OPA3: variants seen among roughly 807,000 people sequenced by gnomAD.
OPA3 encodes the protein optic atrophy 3 protein.
Under a neutral mutation model 4.0 loss-of-function variants are expected in OPA3, and 6 were observed. That is an observed-to-expected ratio of 1.51 (90% confidence interval 0.83 to 2.99). The LOEUF (loss-of-function observed/expected upper bound fraction) is 2.99, where lower values mean the gene tolerates loss of function less well. Among genes scored for constraint, OPA3 ranks in the 30% most tolerant of loss-of-function variants. The pLI is 0.00. For missense variants in OPA3, 235 were observed against 256.2 expected (o/e 0.92, Z 0.56); for synonymous variants, 105 against 117.1 (o/e 0.90, Z 0.67).
rs945042481 is a variant in OPA3, at chr19:45,546,801, G to A, written c.*6713C>T. ...CTATGTCAGCCTCTCATGTAGCTGG[G>A]ATTACAGATGTGCACCACCACACCC... On this transcript the variant is annotated 3_prime_UTR_variant, in exon 2 of 2. Coordinates refer to ENST00000263275, the MANE Select transcript of OPA3 (RefSeq NM_025136.4). 1 of 152,116 alleles carries A rather than the reference G, an allele frequency of 6.6e-6. No homozygotes were observed. The highest frequency in any genetic ancestry group is 1.5e-5 in the Non-Finnish European group (1 of 68,032). 9.4% of individuals were successfully genotyped at this position (152,116 alleles called of 1,614,324 possible).
Position 45,572,423 on chromosome 19 carries a change from T to C in OPA3, c.142+12200A>G, listed in dbSNP as rs888880132. On this transcript the variant is annotated intron_variant, in intron 1 of 1. Transcript: ENST00000263275. ...ATGAGATTATCGATATATATCGATA[T>C]ATATCATGATATATGTATATCAATA... Among the ~76,000 whole-genome samples the C allele has an allele frequency of 1.3e-3, 159 of 123,760 alleles. 4 individuals carry two copies. Among genetic ancestry groups the C allele is most frequent in the Non-Finnish European group, 2.1e-3 (132 of 63,380 alleles). The allele number at this position is 123,760 out of a possible 152,430, so 81.2% of individuals were successfully genotyped here.
chr19:45,570,672 G>A, intron 1 of OPA3, among the ~76,000 whole-genome samples: 1 of 151,828 alleles, frequency 6.6e-6, no homozygotes, highest in East Asian at 1.9e-4. Flanking sequence ...GGGCGACAGA[G>A]TGAGACTCCA....
chr19:45,530,125 G>A (rs1969043128), intron 1 of OPA3, among the ~76,000 whole-genome samples: 1 of 152,266 alleles, frequency 6.6e-6, no homozygotes, highest in South Asian at 2.1e-4. Flanking sequence ...AGGCCGAGGT[G>A]GGTGGCTCAG....
At chr19:45,584,161 C>T (rs1232668919) in intron 1 of OPA3, among the ~76,000 whole-genome samples, 1 of 152,120 alleles carries the variant, frequency 6.6e-6, no homozygotes, top group African/African-American at 2.4e-5. Flanking sequence ...ACGTCGACGT[C>T]CTAAACGGAG....
At position 45,550,091 on chromosome 19, in the gene OPA3, G is replaced by C. The variant is rs1294533227; in HGVS notation, c.*3423C>G. 1.7e-6 allele frequency: 1 copy of C among 586,146 alleles called. No homozygotes were observed. The highest frequency in any genetic ancestry group is 2.1e-6 in the Non-Finnish European group (1 of 465,212). The allele number at this position is 586,146 out of a possible 1,614,324, so 36.3% of individuals were successfully genotyped here. On this transcript the variant is annotated 3_prime_UTR_variant, in exon 2 of 2. Coordinates refer to ENST00000263275, the MANE Select transcript of OPA3 (RefSeq NM_025136.4). ...GATCATTGGTTGAGCCTGGGAGGTAGAAGTTGCAGTGAGCCGAGATTGCAC... is the reference window on the plus strand; with the variant it reads ...GATCATTGGTTGAGCCTGGGAGGTACAAGTTGCAGTGAGCCGAGATTGCAC...
At position 45,570,020 on chromosome 19, in the gene OPA3, G is replaced by A. The variant is rs146799660; in HGVS notation, c.142+14603C>T. On this transcript the variant is annotated intron_variant, in intron 1 of 1. Coordinates refer to ENST00000263275, the MANE Select transcript of OPA3 (RefSeq NM_025136.4). ...GCACAAACTAATACAGAGATACACC[G>A]GGGTCAATGACCGAGATGGCCTCTG... Among the ~76,000 whole-genome samples, 3 of 152,122 alleles carry A rather than the reference G, an allele frequency of 2.0e-5. No individual in the cohort carries two copies. The East Asian group carries it at 5.8e-4, about 29-fold the overall frequency.
At chr19:45,559,130 C>T (rs1357765215) in intron 1 of OPA3, among the ~76,000 whole-genome samples, 1 of 152,076 alleles carries the variant, frequency 6.6e-6, no homozygotes, top group African/African-American at 2.4e-5. Context: ...GTGATCCATT[C>T]ACCTTGGCCT....
At position 45,549,531 on chromosome 19, in the gene OPA3, A is replaced by G. The variant is rs1020272145; in HGVS notation, c.*3983T>C. On this transcript the variant is annotated 3_prime_UTR_variant, in exon 2 of 2. Transcript: ENST00000263275. ...AGTCTCACTCTGTCACCCAGGCTGG[A>G]GTGCAGTGGCGCGATCTCAGCTCAC... The G allele has an allele frequency of 1.0e-6, 1 of 972,320 alleles. No homozygotes were observed. Among genetic ancestry groups the G allele is most frequent in the Non-Finnish European group, 1.2e-6 (1 of 818,766 alleles). The allele number at this position is 972,320 out of a possible 1,614,324, so 60.2% of individuals were successfully genotyped here.
At chr19:45,542,158 T>C (rs1205425757), downstream of OPA3, among the ~76,000 whole-genome samples, 1 of 152,064 alleles carries the variant, frequency 6.6e-6, no homozygotes, top group Non-Finnish European at 1.5e-5. Context: ...CCAGCCCTGG[T>C]CCATATGAGC....
chr19:45,573,439 G>T (rs111506997), intron 1 of OPA3, among the ~76,000 whole-genome samples: 1 of 152,062 alleles, frequency 6.6e-6, no homozygotes, highest in African/African-American at 2.4e-5. Flanking sequence ...CAACAAGAGC[G>T]AAACTCTGTC....
chr19:45,549,763 A>G lies in OPA3; in HGVS notation c.*3751T>C, dbSNP rs2122422482. On this transcript the variant is annotated 3_prime_UTR_variant, in exon 2 of 2. Transcript: ENST00000263275. ...TCAAAGTGCTGGGATGACAGGCGTGAGCTGGCCTGGGTCACTCCCAGTTTT... is the reference window on the plus strand; with the variant it reads ...TCAAAGTGCTGGGATGACAGGCGTGGGCTGGCCTGGGTCACTCCCAGTTTT... 1 of 985,344 alleles carries G rather than the reference A, an allele frequency of 1.0e-6. No individual in the cohort carries two copies. The highest frequency in any genetic ancestry group is 1.2e-6 in the Non-Finnish European group (1 of 830,002). 61.0% of individuals were successfully genotyped at this position (985,344 alleles called of 1,614,324 possible). A position where few individuals can be genotyped will look rare whatever the true frequency, so the allele number is the denominator to read the frequency against.
Position 45,584,794 on chromosome 19 carries a change from T to G in OPA3, c.-30A>C. The G allele has an allele frequency of 6.2e-7, 1 of 1,612,174 alleles. No individual in the cohort carries two copies. The highest frequency in any genetic ancestry group is 1.3e-5 in the African/African-American group (1 of 75,036). Reference sequence around the variant, plus strand: ...GCGGTCTCACAGGGCACGCGCAACCTTGCTGACTGGGCGGGGCGCCTCAAC... The same window carrying G: ...GCGGTCTCACAGGGCACGCGCAACCGTGCTGACTGGGCGGGGCGCCTCAAC... On this transcript the variant is annotated 5_prime_UTR_variant, in exon 1 of 2. Coordinates refer to ENST00000263275, the MANE Select transcript of OPA3 (RefSeq NM_025136.4).
intron 1 of OPA3, among the ~76,000 whole-genome samples, chr19:45,555,236 T>C (rs1969403093): frequency 6.6e-6 from 1 of 152,192 alleles, no homozygotes; most frequent in Admixed American, 6.5e-5. Flanking sequence ...GACATATAAA[T>C]CACTAGATGG....
At chr19:45,572,295 ATC>A (rs1236837894) in intron 1 of OPA3, among the ~76,000 whole-genome samples, 1 of 126,478 alleles carries the variant, frequency 7.9e-6, no homozygotes, top group African/African-American at 2.7e-5. Flanking sequence ...ATCGATATAT[ATC>A]TCATATATAT....
intron 1 of OPA3, among the ~76,000 whole-genome samples, chr19:45,534,355 A>G (rs1001232442): frequency 6.6e-6 from 1 of 152,086 alleles, no homozygotes; most frequent in Non-Finnish European, 1.5e-5. Context: ...TGAGGTCAGG[A>G]GTTCCAGACC....
At position 45,553,631 on chromosome 19, in the gene OPA3, C is replaced by G. The variant is rs863224144; in HGVS notation, c.423G>C (p.Gln141His). The G allele has an allele frequency of 2.7e-5, 43 of 1,606,494 alleles. No individual in the cohort carries two copies. Among genetic ancestry groups the G allele is most frequent in the Non-Finnish European group, 3.4e-5 (40 of 1,178,530 alleles). ...CCAGGGCGCCCTGTGGCGGCGCCGC[C>G]TGCACCTGCGCCTGCAGCGCTTCCA... is the stretch of plus-strand genomic sequence containing the variant. The part of the protein sequence containing the change: ...LALEALQAQV[Q>H]AAPPQGALEE... Residue 141 changes from glutamine to histidine, a missense_variant, in exon 2 of 2, where the codon CAG (glutamine) becomes CAC (histidine). Coordinates refer to ENST00000263275, the MANE Select transcript of OPA3 (RefSeq NM_025136.4).
chr19:45,576,546 C>T (rs978088176), intron 1 of OPA3, among the ~76,000 whole-genome samples: 1 of 136,282 alleles, frequency 7.3e-6, no homozygotes, highest in Non-Finnish European at 1.6e-5. Context: ...CCCCCCCCCC[C>T]CAAAAAAAAA....
At chr19:45,574,036 GC>G (rs1438418492) in intron 1 of OPA3, among the ~76,000 whole-genome samples, 1 of 151,286 alleles carries the variant, frequency 6.6e-6, no homozygotes, top group Non-Finnish European at 1.5e-5. Flanking sequence ...GGTGGCAGGC[GC>G]CTGTAATCCC....
At chr19:45,568,759 C>A (rs759718615) in intron 1 of OPA3, among the ~76,000 whole-genome samples, 1 of 152,108 alleles carries the variant, frequency 6.6e-6, no homozygotes, top group Non-Finnish European at 1.5e-5. Context: ...CCAATTAGGG[C>A]ACTGCTTTCC....
Sources: allele counts gnomAD v4.1 joint callset (sites outside exome capture counted in the v4.1 genomes callset), GRCh38; gene constraint gnomAD v4.1.1; transcripts MANE v1.5; gene names NCBI Gene and HGNC (gene_info 2026-07-23, HGNC 2026-07-21).